PDE10A: variants seen among roughly 807,000 people sequenced by gnomAD.
PDE10A encodes the protein cAMP and cAMP-inhibited cGMP 3',5'-cyclic phosphodiesterase 10A.
A neutral mutation model predicts 97.7 loss-of-function variants in PDE10A; 39 were observed. The observed-to-expected ratio is 0.40, with a 90% CI of 0.31 to 0.52. PDE10A has a LOEUF of 0.52. PDE10A is among the 20% of genes least tolerant of loss of function. PDE10A has a pLI of 0.56. For synonymous variants in PDE10A, 371 were observed against 376.8 expected, an observed-to-expected ratio of 0.98 and a Z score of 0.18; for missense variants, 731 against 1,047.8, an observed-to-expected ratio of 0.70 and a Z score of 4.17.
intron 3 of PDE10A, among the ~76,000 whole-genome samples, chr6:165,464,356 C>T (rs192374540): frequency 1.4e-3 from 213 of 152,260 alleles, no homozygotes; most frequent in African/African-American, 4.8e-3. Flanking sequence ...CCACTATTTC[C>T]TATTTCCATA....
At chr6:165,816,090 C>T (rs1779401642) in intron 1 of PDE10A, among the ~76,000 whole-genome samples, 1 of 152,092 alleles carries the variant, frequency 6.6e-6, no homozygotes. Context: ...GCTGGGACTA[C>T]AGGCGCCCAC....
At chr6:165,657,893 C>T (rs936130221) in intron 1 of PDE10A, among the ~76,000 whole-genome samples, 3 of 152,188 alleles carry the variant, frequency 2.0e-5, no homozygotes, top group Non-Finnish European at 2.9e-5. Context: ...CTGGCTCTGC[C>T]GGAAGAAGTC....
At chr6:165,702,119 G>A (rs1017790456) in intron 1 of PDE10A, among the ~76,000 whole-genome samples, 14 of 152,184 alleles carry the variant, frequency 9.2e-5, no homozygotes, top group Admixed American at 3.3e-4. Flanking sequence ...TTGAACCTCC[G>A]AAGGGTGGTG....
chr6:165,780,468 G>A (rs906103320), intron 1 of PDE10A: 4 of 152,204 alleles, frequency 2.6e-5, no homozygotes, highest in Non-Finnish European at 5.9e-5. Context: ...AGGTGGAAAT[G>A]ATAAAGTAAA....
chr6:165,600,875 T>C (rs1235370777), intron 1 of PDE10A, among the ~76,000 whole-genome samples: 1 of 152,236 alleles, frequency 6.6e-6, no homozygotes, highest in African/African-American at 2.4e-5. Flanking sequence ...TCCTGCACTC[T>C]TCCCTCCATT....
intron 2 of PDE10A, among the ~76,000 whole-genome samples, chr6:165,483,456 G>A (rs617739): frequency 0.27 from 41,073 of 151,978 alleles, 6,026 homozygotes; most frequent in African/African-American, 0.38. Context: ...TTGTCATAGG[G>A]AAAATATCTT....
At chr6:165,832,856 T>G (rs2128471389) in intron 1 of PDE10A, among the ~76,000 whole-genome samples, 1 of 152,274 alleles carries the variant, frequency 6.6e-6, no homozygotes, top group Non-Finnish European at 1.5e-5. Context: ...CCTCACATAT[T>G]CCGGGTTAAC....
Position 165,794,522 on chromosome 6 carries a change from G to C in PDE10A, c.-615+193007C>G, listed in dbSNP as rs144262085. ...CACTCACATGCTCACTCATACACTC[G>C]CACACCCTCACACACACTCATTACA... is the stretch of plus-strand genomic sequence containing the variant. On this transcript the variant is annotated intron_variant, in intron 1 of 19. Coordinates refer to the PDE10A transcript ENST00000366882. Among the ~76,000 whole-genome samples the C allele has an allele frequency of 5.4e-5, 8 of 148,690 alleles. No individual in the cohort carries two copies. In the South Asian group the frequency reaches 1.7e-3, roughly 32 times the overall value.
intron 1 of PDE10A, among the ~76,000 whole-genome samples, chr6:165,752,836 G>T (rs1793038417): frequency 1.3e-5 from 2 of 152,200 alleles, no homozygotes; most frequent in African/African-American, 2.4e-5. Context: ...ACACATTAGG[G>T]TTATTCAATG....
chr6:165,779,159 T>C (rs1214496976), intron 1 of PDE10A, among the ~76,000 whole-genome samples: 1 of 152,222 alleles, frequency 6.6e-6, no homozygotes, highest in Non-Finnish European at 1.5e-5. Context: ...CACAAACTAT[T>C]AGGAATTGAT....
chr6:165,385,570 C>T (rs1287676665), intron 17 of PDE10A, among the ~76,000 whole-genome samples: 3 of 152,160 alleles, frequency 2.0e-5, no homozygotes, highest in Non-Finnish European at 4.4e-5. Flanking sequence ...ACTATATCCC[C>T]AGTGCCTAAA....
At chr6:165,467,556 G>A (rs1265575906) in intron 3 of PDE10A, among the ~76,000 whole-genome samples, 1 of 152,162 alleles carries the variant, frequency 6.6e-6, no homozygotes, top group African/African-American at 2.4e-5. Context: ...AAGAACAAAG[G>A]CACAAGGACA....
intron 1 of PDE10A, among the ~76,000 whole-genome samples, chr6:165,638,388 C>CAG (rs887207888): frequency 7.3e-5 from 11 of 149,942 alleles, no homozygotes; most frequent in African/African-American, 2.7e-4. Context: ...AGGCAAGAGA[C>CAG]AGAGAGAGAG....
intron 5 of PDE10A, among the ~76,000 whole-genome samples, chr6:165,447,666 T>C (rs957876328): frequency 7.2e-5 from 11 of 152,252 alleles, no homozygotes; most frequent in Non-Finnish European, 1.2e-4. Flanking sequence ...ATCCATTTGT[T>C]ATTTTCGTAG....
At chr6:165,596,750 A>G (rs9356379) in intron 1 of PDE10A, among the ~76,000 whole-genome samples, 4,787 of 152,106 alleles carry the variant, frequency 0.031, 274 homozygotes, top group East Asian at 0.29. Context: ...AAAAATATGT[A>G]AGTGAATAAA....
At chr6:165,767,147 T>C (rs1355805289) in intron 1 of PDE10A, among the ~76,000 whole-genome samples, 1 of 152,214 alleles carries the variant, frequency 6.6e-6, no homozygotes, top group Non-Finnish European at 1.5e-5. Flanking sequence ...TTTTGTTTTT[T>C]GCTTTGCCTT....
At chr6:165,468,259 T>A (rs529324877) in intron 3 of PDE10A, among the ~76,000 whole-genome samples, 29 of 151,722 alleles carry the variant, frequency 1.9e-4, no homozygotes, top group South Asian at 6.2e-4. Context: ...TTTTTTATTT[T>A]TTTTTTTTTT....
At position 165,457,819 on chromosome 6, in the gene PDE10A, G is replaced by A. The variant is rs146087231; in HGVS notation, c.1024-7457C>T. Reference sequence around the variant, plus strand: ...AAGAAAAGTAAAAGCTAGTTTCACCGGGAGGACAAATGTTCCCATGACTGC... The same window carrying A: ...AAGAAAAGTAAAAGCTAGTTTCACCAGGAGGACAAATGTTCCCATGACTGC... On this transcript the variant is annotated intron_variant, in intron 3 of 21. Transcript: ENST00000539869. Among the ~76,000 whole-genome samples the A allele has an allele frequency of 2.5e-4, 38 of 152,270 alleles. No individual in the cohort carries two copies. The East Asian group carries it at 4.0e-3, about 16-fold the overall frequency.
intron 2 of PDE10A, among the ~76,000 whole-genome samples, chr6:165,490,666 G>C (rs986589720): frequency 6.6e-6 from 1 of 152,166 alleles, no homozygotes; most frequent in Non-Finnish European, 1.5e-5. Flanking sequence ...GGCAGAATAG[G>C]TAAGAATTCA....
Sources: allele counts gnomAD v4.1 joint callset (sites outside exome capture counted in the v4.1 genomes callset), GRCh38; gene constraint gnomAD v4.1.1; transcripts MANE v1.5; gene names NCBI Gene and HGNC (gene_info 2026-07-23, HGNC 2026-07-21).